OPCML: variants seen among roughly 807,000 people sequenced by gnomAD.
OPCML encodes the protein opioid-binding protein/cell adhesion molecule.
A neutral mutation model predicts 37.8 loss-of-function variants in OPCML; 13 were observed. The ratio of observed to expected loss-of-function variants is 0.34; its 90% confidence interval spans 0.22 to 0.55. The LOEUF (loss-of-function observed/expected upper bound fraction) is 0.55, where lower values mean the gene tolerates loss of function less well. Among genes scored for constraint, OPCML ranks in the 20% least tolerant of loss-of-function variants. OPCML has a pLI of 0.91. For synonymous variants in OPCML, 176 were observed against 168.8 expected, an observed-to-expected ratio of 1.04 and a Z score of -0.33; for missense variants, 341 against 435.6, an observed-to-expected ratio of 0.78 and a Z score of 1.93.
At chr11:132,871,160 A>G (rs1262857604) in intron 2 of OPCML, among the ~76,000 whole-genome samples, 1 of 152,102 alleles carries the variant, frequency 6.6e-6, no homozygotes, top group African/African-American at 2.4e-5. Flanking sequence ...AACATGTTGT[A>G]CAAGATAAAT....
chr11:133,342,882 G>A (rs1943906609), intron 1 of OPCML, among the ~76,000 whole-genome samples: 1 of 152,176 alleles, frequency 6.6e-6, no homozygotes, highest in Non-Finnish European at 1.5e-5. Flanking sequence ...ACTCATTTTG[G>A]AGACTCATGA....
chr11:132,592,507 C>T (rs2096486138), intron 3 of OPCML, among the ~76,000 whole-genome samples: 1 of 152,224 alleles, frequency 6.6e-6, no homozygotes. Flanking sequence ...CAGGCCCAGG[C>T]TTTGCCAAGA....
Position 132,506,776 on chromosome 11 carries a change from T to C in OPCML, c.505+22285A>G, listed in dbSNP as rs182716249. 2.9e-3 allele frequency among the ~76,000 whole-genome samples: 433 copies of C among 151,308 alleles called. 2 individuals are homozygous for C. Among genetic ancestry groups the C allele is most frequent in the Non-Finnish European group, 5.2e-3 (356 of 67,834 alleles). ...CTATAGAGGATAAAATCAAAGAAAA[T>C]TTGTTTCAAATAGCACAAGATACAA... On this transcript the variant is annotated intron_variant, in intron 4 of 7. Coordinates refer to ENST00000524381, the MANE Select transcript of OPCML (RefSeq NM_001012393.5).
At chr11:133,471,528 G>A (rs1004878283) in intron 1 of OPCML, among the ~76,000 whole-genome samples, 10 of 152,130 alleles carry the variant, frequency 6.6e-5, no homozygotes, top group African/African-American at 2.4e-4. Flanking sequence ...TTGGGAGAGG[G>A]GAACTGGTTG....
chr11:132,883,644 A>G (rs971176999), intron 2 of OPCML, among the ~76,000 whole-genome samples: 3 of 152,210 alleles, frequency 2.0e-5, no homozygotes, highest in Admixed American at 6.5e-5. Context: ...TGAAAAGGAC[A>G]GGGAAAGCAG....
intron 2 of OPCML, among the ~76,000 whole-genome samples, chr11:132,722,421 G>T (rs1028183489): frequency 1.3e-5 from 2 of 151,894 alleles, no homozygotes; most frequent in African/African-American, 2.4e-5. Flanking sequence ...AAAACAAAAG[G>T]AAATGAAAAA....
chr11:132,498,679 C>T (rs767082181), intron 4 of OPCML, among the ~76,000 whole-genome samples: 12 of 152,130 alleles, frequency 7.9e-5, no homozygotes, highest in East Asian at 1.9e-4. Context: ...AGTTTGAGGG[C>T]GAATTTGAAT....
rs1938078034 is a variant in OPCML at position 133,186,488 on chromosome 11, TGA to T, written c.62-243480_62-243479del. ...TGGGCAAATTAGAATACAGGAGAGA[TGA>T]GAGAGTAGAAAAAAGGCGGGGGCGG... On this transcript the variant is annotated intron_variant, in intron 1 of 7. Transcript: ENST00000524381. Among the ~76,000 whole-genome samples, 4 of 129,608 alleles carry T rather than the reference TGA, an allele frequency of 3.1e-5. No homozygotes were observed. In the South Asian group the frequency reaches 9.2e-4, roughly 30 times the overall value. The allele number at this position is 129,608 out of a possible 152,430, so 85.0% of individuals were successfully genotyped here.
intron 1 of OPCML, among the ~76,000 whole-genome samples, chr11:133,155,116 G>T (rs1179136620): frequency 6.6e-6 from 1 of 152,162 alleles, no homozygotes; most frequent in Non-Finnish European, 1.5e-5. Context: ...AGAACTGGAG[G>T]AGGAGGAGGA....
chr11:133,354,291 G>A (rs1944223275), intron 1 of OPCML, among the ~76,000 whole-genome samples: 1 of 106,776 alleles, frequency 9.4e-6, no homozygotes, highest in Non-Finnish European at 2.1e-5. Context: ...TGATGGTGGT[G>A]CTGGTGGTGG....
At chr11:133,485,503 C>T (rs1442863515) in intron 1 of OPCML, among the ~76,000 whole-genome samples, 1 of 152,104 alleles carries the variant, frequency 6.6e-6, no homozygotes, top group Non-Finnish European at 1.5e-5. Context: ...AGACTTTGCT[C>T]AGTAAACAAT....
intron 3 of OPCML, among the ~76,000 whole-genome samples, chr11:132,538,980 T>C (rs1266726527): frequency 6.6e-6 from 1 of 152,216 alleles, no homozygotes; most frequent in Non-Finnish European, 1.5e-5. Flanking sequence ...TCCCTCATTC[T>C]ACAGATAAAT....
intron 1 of OPCML, among the ~76,000 whole-genome samples, chr11:133,099,301 C>T (rs76298235): frequency 0.058 from 8,805 of 150,948 alleles, 442 homozygotes; most frequent in East Asian, 0.27. Context: ...CTTGCTCTGT[C>T]GCCCAGGCTG....
chr11:132,895,972 T>C (rs1474827404), intron 2 of OPCML, among the ~76,000 whole-genome samples: 1 of 152,162 alleles, frequency 6.6e-6, no homozygotes, highest in African/African-American at 2.4e-5. Flanking sequence ...CTTGTGGGAA[T>C]GCATACTGAG....
intron 1 of OPCML, among the ~76,000 whole-genome samples, chr11:133,391,639 G>A (rs928265606): frequency 6.6e-6 from 1 of 151,900 alleles, no homozygotes; most frequent in Non-Finnish European, 1.5e-5. Flanking sequence ...GTTAATGAAG[G>A]TCAGAAAAAT....
chr11:133,227,174 G>A (rs1332254820), intron 1 of OPCML, among the ~76,000 whole-genome samples: 1 of 152,156 alleles, frequency 6.6e-6, no homozygotes, highest in African/African-American at 2.4e-5. Context: ...GAGGGATCCT[G>A]TGAACTCCGA....
chr11:133,462,858 G>A (rs927248273), intron 1 of OPCML, among the ~76,000 whole-genome samples: 2 of 152,132 alleles, frequency 1.3e-5, no homozygotes, highest in African/African-American at 4.8e-5. Flanking sequence ...CTAAGAGCAA[G>A]AAAATGAACA....
chr11:133,154,592 A>C (rs555637751), intron 1 of OPCML, among the ~76,000 whole-genome samples: 9 of 118,980 alleles, frequency 7.6e-5, no homozygotes, highest in East Asian at 1.9e-4. Flanking sequence ...GTAAAAAAAA[A>C]CAGTATCTTA....
intron 1 of OPCML, among the ~76,000 whole-genome samples, chr11:132,944,977 G>A (rs758856863): frequency 3.0e-4 from 45 of 152,242 alleles, no homozygotes; most frequent in Admixed American, 6.5e-4. Flanking sequence ...TTTAGTTGCT[G>A]AAGGATACAA....
Sources: allele counts gnomAD v4.1 joint callset (sites outside exome capture counted in the v4.1 genomes callset), GRCh38; gene constraint gnomAD v4.1.1; transcripts MANE v1.5; gene names NCBI Gene and HGNC (gene_info 2026-07-23, HGNC 2026-07-21).